CHD7: variants seen among roughly 807,000 people sequenced by gnomAD.
CHD7 encodes the protein chromodomain helicase DNA binding protein 7.
In CHD7, 24 loss-of-function variants were observed where a neutral mutation model predicts 307.3. That is an observed-to-expected ratio of 0.08 (90% confidence interval 0.06 to 0.11). CHD7 has a LOEUF of 0.11. CHD7 is among the 10% of genes least tolerant of loss of function. The pLI is 1.00. For synonymous variants in CHD7, 1,363 were observed against 1,349.9 expected (o/e 1.01, Z -0.21); for missense variants, 3,106 against 3,727.1 (o/e 0.83, Z 4.34).
chr8:60,748,985 T>A (rs36059133), intron 2 of CHD7, among the ~76,000 whole-genome samples: 69,261 of 140,522 alleles, frequency 0.49, 18,704 homozygotes, highest in East Asian at 0.67. Context: ...TTTTTTTTTT[T>A]TTAAAAAAAT....
chr8:60,711,057 A>G (rs1178667438), intron 1 of CHD7, among the ~76,000 whole-genome samples: 3 of 152,188 alleles, frequency 2.0e-5, no homozygotes, highest in African/African-American at 7.2e-5. Context: ...ACCAGTTGAC[A>G]TTTGGTGAGC....
chr8:60,705,531 C>T (rs1458046313), intron 1 of CHD7, among the ~76,000 whole-genome samples: 1 of 152,180 alleles, frequency 6.6e-6, no homozygotes, highest in African/African-American at 2.4e-5. Context: ...TAAAAAATGA[C>T]TCACCCAGTT....
rs144022329 is a variant in CHD7, at chr8:60,847,897, A to G, written c.5211-618A>G. Among the ~76,000 whole-genome samples, 784 of 152,272 alleles carry G rather than the reference A, an allele frequency of 5.1e-3. 32 individuals carry two copies. The highest frequency in any genetic ancestry group is 0.044 in the Admixed American group (668 of 15,292). ...CAGGTACAGTAAACTAGAAGGAATA[A>G]AAATGTCTAACATAGTATTTCATAC... On this transcript the variant is annotated intron_variant, in intron 23 of 37. Coordinates refer to ENST00000423902, the MANE Select transcript of CHD7 (RefSeq NM_017780.4).
intron 21 of CHD7, 116 bp from the exon 22 acceptor site, chr8:60,844,748 A>G (rs1004433246): frequency 5.2e-6 from 4 of 770,948 alleles, no homozygotes; most frequent in Admixed American, 5.9e-5. Context: ...CCTATCACCC[A>G]GTGTGAATTG....
At chr8:60,805,959 G>A (rs896836730) in intron 6 of CHD7, among the ~76,000 whole-genome samples, 2 of 152,180 alleles carry the variant, frequency 1.3e-5, no homozygotes, top group Admixed American at 6.5e-5. Context: ...TGATAATGCT[G>A]TGTGAAGAAT....
In CHD7 at chr8:60,855,921, T is replaced by C. The variant is rs929719845; in HGVS notation, c.6937-54T>C. 1.4e-5 allele frequency: 17 copies of C among 1,208,474 alleles called. No homozygotes were observed. In the South Asian group the frequency reaches 1.4e-4, roughly 10 times the overall value. The allele number at this position is 1,208,474 out of a possible 1,614,324, so 74.9% of individuals were successfully genotyped here. A position where few individuals can be genotyped will look rare whatever the true frequency, so the allele number is the denominator to read the frequency against. On this transcript the variant is annotated intron_variant, in intron 32 of 37. Transcript: ENST00000423902. ...CATCTTGATGGATGTATTTATCTAG[T>C]AATTTTAACCAGGGCTTTGTTAAAA...
intron 1 of CHD7, among the ~76,000 whole-genome samples, chr8:60,700,210 CTAGATACTAAAT>C (rs1377564091): frequency 6.6e-6 from 1 of 152,204 alleles, no homozygotes; most frequent in African/African-American, 2.4e-5. Flanking sequence ...ATGAATGAAA[CTAGATACTAAAT>C]TAGTACTTGG....
At position 60,781,174 on chromosome 8, in the gene CHD7, G is replaced by T. The variant is rs1295700805; in HGVS notation, c.1840G>T (p.Gly614Cys). 1 of 1,606,700 alleles carries T rather than the reference G, an allele frequency of 6.2e-7. No homozygotes were observed. The highest frequency in any genetic ancestry group is 1.7e-5 in the Admixed American group (1 of 58,802). Residue 614 changes from glycine (G) to cysteine (C), a missense_variant, in exon 3 of 38, where the codon GGT (glycine) becomes TGT (cysteine). Physicochemically the swap from Gly to Cys is radical, Grantham distance 159. This residue lies in a region of CHD7 where 998 missense variants were observed against 1,004.5 expected (regional missense o/e 0.99). Coordinates refer to ENST00000423902, the MANE Select transcript of CHD7 (RefSeq NM_017780.4). ...NHIVAEDPSK[G>C]FGKDDFPGGV... ...CATTGTAGCAGAGGATCCCAGTAAA[G>T]GTTTTGGTAAAGATGACTTCCCTGG...
chr8:60,751,445 G>A lies in CHD7; in HGVS notation c.1665+8348G>A, dbSNP rs771466254. Among the ~76,000 whole-genome samples, 242 of 152,260 alleles carry A rather than the reference G, an allele frequency of 1.6e-3. 1 individual carries two copies. The highest frequency in any genetic ancestry group is 2.6e-3 in the Non-Finnish European group (180 of 68,022). On this transcript the variant is annotated intron_variant, in intron 2 of 37. Transcript: ENST00000423902. ...GAAGTGGGTTAGGGGGACAATTAAG[G>A]GAACAGCATTGTGAGAACTAATCTG...
chr8:60,681,933 T>C (rs1412174520), intron 1 of CHD7, among the ~76,000 whole-genome samples: 1 of 152,204 alleles, frequency 6.6e-6, no homozygotes, highest in African/African-American at 2.4e-5. Context: ...TTTTAAATTA[T>C]TATATTCATT....
chr8:60,781,034 T>C lies in CHD7; in HGVS notation c.1700T>C (p.Val567Ala). ...TCGGAGCCCTTTCTAGAGAAACCAG[T>C]GCCGGATATGACTCAGGTTAGTGGA... ...SPSEPFLEKP[V>A]PDMTQVSGPN... Residue 567 changes from valine to alanine, a missense_variant, in exon 3 of 38, where the codon GTG (valine) becomes GCG (alanine). Around this residue, in one of 10 missense-constraint regions of CHD7, gnomAD observed 998 missense variants for 1,004.5 expected, o/e 0.99. Transcript: ENST00000423902. 6.3e-7 allele frequency: 1 copy of C among 1,590,212 alleles called. No homozygotes were observed.
chr8:60,820,066 A>T lies in CHD7; in HGVS notation c.2673A>T (p.Ala891=). The T allele has an allele frequency of 6.2e-7, 1 of 1,610,302 alleles. No individual in the cohort carries two copies. The highest frequency in any genetic ancestry group is 8.5e-7 in the Non-Finnish European group (1 of 1,177,986). The change falls in exon 9 of 38, where the codon GCA becomes GCT. Residue 891 remains alanine (A), a synonymous_variant. Coordinates refer to ENST00000423902, the MANE Select transcript of CHD7 (RefSeq NM_017780.4). ...YVEVDRIMDF[A]RSTDDRGEPV... is the part of the protein sequence containing the mutation. ...AGGTTGACCGGATAATGGACTTTGC[A>T]CGTAGCACAGATGACCGGGGAGAGG... is the stretch of plus-strand genomic sequence containing the variant.
At chr8:60,809,250 A>C (rs1318392333) in intron 7 of CHD7, among the ~76,000 whole-genome samples, 1 of 152,254 alleles carries the variant, frequency 6.6e-6, no homozygotes, top group Non-Finnish European at 1.5e-5. Context: ...TATCAGTTTT[A>C]TCATGAGAGT....
At position 60,861,137 on chromosome 8, in the gene CHD7, A is replaced by G; in HGVS notation, c.7830+12A>G. Reference sequence around the variant, plus strand: ...CAAGTTATGTACCAGTGAGTATTGCAGAGTTTAGAGTTGGAAGGAATCTTG... The same window carrying G: ...CAAGTTATGTACCAGTGAGTATTGCGGAGTTTAGAGTTGGAAGGAATCTTG... On this transcript the variant is annotated intron_variant, in intron 35 of 37. Coordinates refer to ENST00000423902, the MANE Select transcript of CHD7 (RefSeq NM_017780.4). 5 of 1,551,844 alleles carry G rather than the reference A, an allele frequency of 3.2e-6. No homozygotes were observed. Among genetic ancestry groups the G allele is most frequent in the Middle Eastern group, 2.2e-4 (1 of 4,614 alleles).
chr8:60,703,164 A>G (rs1806853660), intron 1 of CHD7, among the ~76,000 whole-genome samples: 2 of 152,112 alleles, frequency 1.3e-5, no homozygotes, highest in Middle Eastern at 3.2e-3. Flanking sequence ...CCTTTTTCTT[A>G]TTGTGGTAAA....
chr8:60,700,329 A>C (rs144776575), intron 1 of CHD7, among the ~76,000 whole-genome samples: 1 of 152,154 alleles, frequency 6.6e-6, no homozygotes, highest in African/African-American at 2.4e-5. Context: ...ATAACTGCTG[A>C]TGATTGTTCT....
intron 15 of CHD7, among the ~76,000 whole-genome samples, chr8:60,832,409 C>CT (rs1476300458): frequency 1.3e-5 from 2 of 152,090 alleles, no homozygotes; most frequent in Non-Finnish European, 2.9e-5. Flanking sequence ...TGCCAATCTG[C>CT]TAATCACAGT....
chr8:60,755,142 G>GT (rs1040942709), intron 2 of CHD7, among the ~76,000 whole-genome samples: 25 of 150,606 alleles, frequency 1.7e-4, no homozygotes, highest in Admixed American at 6.0e-4. Context: ...ATCCTAATCT[G>GT]TTTTTTTTTC....
chr8:60,768,316 T>C (rs1810566583), intron 2 of CHD7, among the ~76,000 whole-genome samples: 1 of 152,250 alleles, frequency 6.6e-6, no homozygotes, highest in Non-Finnish European at 1.5e-5. Flanking sequence ...CCATTCTAGA[T>C]GAGGAAGTTG....
Sources: gnomAD v4.1 joint callset for allele counts (sites outside exome capture counted in the v4.1 genomes callset) on GRCh38, gnomAD v4.1.1 for gene constraint, gnomAD v4.1.1 regional missense constraint, MANE v1.5 for transcripts, NCBI Gene and HGNC (gene_info 2026-07-23, HGNC 2026-07-21) for gene names.